Variants in ITIH5 observed in about 807,000 individuals in gnomAD.
ITIH5 encodes inter-alpha-trypsin inhibitor heavy chain 5.
A neutral mutation model predicts 77.5 loss-of-function variants in ITIH5; 65 were observed. The ratio of observed to expected loss-of-function variants is 0.84; its 90% CI spans 0.69 to 1.03. ITIH5 has a LOEUF of 1.03. ITIH5 is among the 50% of genes least tolerant of loss of function. ITIH5 has a pLI of 0.00. For synonymous variants in ITIH5, 525 were observed against 494.3 expected (o/e 1.06, Z -0.82); for missense variants, 1,208 against 1,213.1 (o/e 1.00, Z 0.06).
intron 11 of ITIH5, chr10:7,572,507 C>T (rs1220771325): frequency 3.4e-5 from 42 of 1,240,636 alleles, no homozygotes; most frequent in Non-Finnish European, 4.0e-5. Context: ...ATGCATGCTC[C>T]GGATCTCTAA....
intron 7 of ITIH5, among the ~76,000 whole-genome samples, chr10:7,609,846 C>T (rs1588396467): frequency 6.6e-6 from 1 of 152,078 alleles, no homozygotes; most frequent in East Asian, 1.9e-4. Context: ...TAGCCAAGTT[C>T]TTTAATATGA....
At chr10:7,627,346 A>G (rs1588410976) in intron 5 of ITIH5, among the ~76,000 whole-genome samples, 1 of 151,722 alleles carries the variant, frequency 6.6e-6, no homozygotes, top group Non-Finnish European at 1.5e-5. Context: ...AAAAAAAAAA[A>G]AAAATTAAAC....
intron 7 of ITIH5, among the ~76,000 whole-genome samples, chr10:7,603,948 G>C (rs1833069545): frequency 2.0e-5 from 3 of 152,178 alleles, no homozygotes; most frequent in Non-Finnish European, 4.4e-5. Flanking sequence ...GCCTCCTTGT[G>C]TGTTTTGTGC....
At chr10:7,572,351 A>G in intron 11 of ITIH5, 1 of 1,367,574 alleles carries the variant, frequency 7.3e-7, no homozygotes, top group Non-Finnish European at 9.8e-7. Context: ...GCAAAAGGAA[A>G]TTTCATGACA....
chr10:7,623,109 G>T (rs1245791730), intron 5 of ITIH5, among the ~76,000 whole-genome samples: 1 of 152,210 alleles, frequency 6.6e-6, no homozygotes, highest in Non-Finnish European at 1.5e-5. Flanking sequence ...AAAAGATTGA[G>T]AAGAGCCCCA....
rs1564241275 is a variant in ITIH5, at chr10:7,579,759, T to C, written c.1414A>G (p.Ile472Val). ...CTACGAAGACAGACCACAGACCCGA[T>C]GAGCTGCGAGCCTGCGTCCTCCTCC... is the stretch of plus-strand genomic sequence containing the variant. ...HEEEDAGSQL[I>V]GFYDEIRTPL... Residue 472 changes from isoleucine to valine, a missense_variant, in exon 9 of 14, where the codon ATC becomes GTC. Physicochemically the swap from Ile to Val is conservative, Grantham distance 29. Transcript: ENST00000397146. 6.2e-7 allele frequency: 1 copy of C among 1,612,906 alleles called. No individual in the cohort carries two copies. Among genetic ancestry groups the C allele is most frequent in the Non-Finnish European group, 8.5e-7 (1 of 1,179,580 alleles).
chr10:7,609,438 A>C (rs1833196707), intron 7 of ITIH5: 1 of 456,750 alleles, frequency 2.2e-6, no homozygotes, highest in Non-Finnish European at 4.4e-6. Flanking sequence ...TTACACATGA[A>C]ATATCCAAAT....
chr10:7,582,380 T>C (rs1832583835), intron 8 of ITIH5, among the ~76,000 whole-genome samples: 1 of 152,150 alleles, frequency 6.6e-6, no homozygotes, highest in Non-Finnish European at 1.5e-5. Context: ...AGAATTCCAC[T>C]GGACTAAGCT....
chr10:7,577,344 G>A (rs1038615723), intron 9 of ITIH5, among the ~76,000 whole-genome samples: 2 of 152,150 alleles, frequency 1.3e-5, no homozygotes, highest in South Asian at 2.1e-4. Flanking sequence ...GAACAATATC[G>A]AATTAGTGTA....
intron 7 of ITIH5, among the ~76,000 whole-genome samples, chr10:7,588,134 A>G (rs1832718960): frequency 6.6e-6 from 1 of 152,220 alleles, no homozygotes; most frequent in Admixed American, 6.5e-5. Flanking sequence ...CTCTAATCCC[A>G]ACACTTTGGG....
rs1475586874 is a variant in ITIH5, at chr10:7,644,902, TATATATATCACATATATATATCAC to T, written c.136-2836_136-2813del. ...ATATATATCACATATATATATCACA[TATATATATCACATATATATATCAC>T]ATATATATATCACATATATATATAT... On this transcript the variant is annotated intron_variant, in intron 2 of 13. Coordinates refer to ENST00000397146, the MANE Select transcript of ITIH5 (RefSeq NM_030569.7). Among the ~76,000 whole-genome samples, 29 of 108,432 alleles carry T rather than the reference TATATATATCACATATATATATCAC, an allele frequency of 2.7e-4. 1 individual carries two copies. The East Asian group carries it at 6.7e-3, about 25-fold the overall frequency. 71.1% of individuals were successfully genotyped at this position (108,432 alleles called of 152,430 possible).
rs551225014 is a variant in ITIH5, at chr10:7,579,576, C to T, written c.1418+179G>A. 3.9e-5 allele frequency among the ~76,000 whole-genome samples: 6 copies of T among 152,112 alleles called. No individual in the cohort carries two copies. In the East Asian group the frequency reaches 5.8e-4, roughly 15 times the overall value. On this transcript the variant is annotated intron_variant, in intron 9 of 13. Coordinates refer to ENST00000397146, the MANE Select transcript of ITIH5 (RefSeq NM_030569.7). ...AAAGTCATAAAGGAGGATCAGAATTCGAACTCTGATCTGCCTAGTTTCAAA... is the reference window on the plus strand; with the variant it reads ...AAAGTCATAAAGGAGGATCAGAATTTGAACTCTGATCTGCCTAGTTTCAAA...
chr10:7,597,026 C>T (rs1180678679), intron 7 of ITIH5, among the ~76,000 whole-genome samples: 1 of 45,316 alleles, frequency 2.2e-5, no homozygotes. Flanking sequence ...AGCCTGGGTG[C>T]AGAGTGAGTC....
rs960925438 is a variant in ITIH5 at position 7,619,673 on chromosome 10, G to A, written c.653-2391C>T. 5 of 272,838 alleles carry A rather than the reference G, an allele frequency of 1.8e-5. No individual in the cohort carries two copies. In the East Asian group the frequency reaches 4.2e-4, roughly 23 times the overall value. 16.9% of individuals were successfully genotyped at this position (272,838 alleles called of 1,614,324 possible). A position where few individuals can be genotyped will look rare whatever the true frequency, so the allele number is the denominator to read the frequency against. The stretch of plus-strand genomic sequence containing the variant: ...CGTCTACAAGGCGGCAGGAGCGAGA[G>A]ACAGAACTGGGAAGCGCCGGACTTT... On this transcript the variant is annotated intron_variant, in intron 5 of 13. Transcript: ENST00000397146.
rs1833357650 is a variant in ITIH5, at chr10:7,616,011, C to T, written c.910G>A (p.Ala304Thr). The change falls in exon 7 of 14, where the codon GCT becomes ACT. Residue 304 changes from alanine (A) to threonine (T), a missense_variant. Physicochemically the swap from Ala to Thr is moderately conservative, Grantham distance 58 (BLOSUM62 0). Coordinates refer to ENST00000397146, the MANE Select transcript of ITIH5 (RefSeq NM_030569.7). ...KNVVFVLDSS[A>T]SMVGTKLRQT... ...CGGAGTTTGGTTCCCACCATAGAAG[C>T]ACTGCTGTCAAGCACGAATACCACA... is the stretch of plus-strand genomic sequence containing the variant. The T allele has an allele frequency of 6.2e-7, 1 of 1,612,056 alleles. No individual in the cohort carries two copies. Among genetic ancestry groups the T allele is most frequent in the African/African-American group, 1.3e-5 (1 of 75,008 alleles).
intron 7 of ITIH5, among the ~76,000 whole-genome samples, chr10:7,586,688 T>C (rs1286761899): frequency 6.6e-6 from 1 of 152,080 alleles, no homozygotes; most frequent in Non-Finnish European, 1.5e-5. Context: ...GTTTAATGAA[T>C]TATAAAATTA....
intron 7 of ITIH5, among the ~76,000 whole-genome samples, chr10:7,600,260 G>A (rs1287709242): frequency 6.6e-6 from 1 of 152,226 alleles, no homozygotes; most frequent in Non-Finnish European, 1.5e-5. Context: ...ATCTGAGCCA[G>A]TGGACAGGAT....
rs34745417 is a variant in ITIH5, at chr10:7,656,746, CTTT to C, written c.91-1074_91-1072del. 6.2e-4 allele frequency among the ~76,000 whole-genome samples: 70 copies of C among 112,836 alleles called. 1 individual carries two copies. Among genetic ancestry groups the C allele is most frequent in the Admixed American group, 2.7e-3 (28 of 10,504 alleles). 74.0% of individuals were successfully genotyped at this position (112,836 alleles called of 152,430 possible). The stretch of plus-strand genomic sequence containing the variant: ...ATGCCTAGACTTCATGTCTATTTTT[CTTT>C]TTTTTTTTTTTTTTGAGACGGTCTC... On this transcript the variant is annotated intron_variant, in intron 1 of 13. Coordinates refer to ENST00000397146, the MANE Select transcript of ITIH5 (RefSeq NM_030569.7).
intron 10 of ITIH5, 119 bp from the exon 11 acceptor site, chr10:7,573,314 TA>T (rs1832342737): frequency 2.6e-6 from 2 of 766,176 alleles, no homozygotes; most frequent in Non-Finnish European, 4.4e-6. Flanking sequence ...TGTAACAGCT[TA>T]AATAATCAAA....
Sources: allele counts gnomAD v4.1 joint callset (sites outside exome capture counted in the v4.1 genomes callset), GRCh38; gene constraint gnomAD v4.1.1; transcripts MANE v1.5; gene names NCBI Gene and HGNC (gene_info 2026-07-23, HGNC 2026-07-21).